The following LRP5 variants were observed in gnomAD, a reference collection of about 807,000 sequenced individuals.
LRP5 encodes LDL receptor related protein 5.
A neutral mutation model predicts 154.1 loss-of-function variants in LRP5; 62 were observed. The ratio of observed to expected loss-of-function variants is 0.40; its 90% confidence interval spans 0.33 to 0.50. The LOEUF is 0.50. LRP5 is among the 20% of genes least tolerant of loss of function. The probability of loss-of-function intolerance (pLI) is 0.55; values close to 1 mark genes in which losing one functional copy is unlikely to be tolerated. For synonymous variants in LRP5, 966 were observed against 1,011.5 expected, an observed-to-expected ratio of 0.96 and a Z score of 0.85; for missense variants, 1,915 against 2,336.7, an observed-to-expected ratio of 0.82 and a Z score of 3.72.
chr11:68,447,451 TC>T lies in LRP5; in HGVS notation c.4586+920del, dbSNP rs1258670798. Among the ~76,000 whole-genome samples the T allele has an allele frequency of 1.7e-4, 25 of 150,600 alleles. No homozygotes were observed. Among genetic ancestry groups the T allele is most frequent in the Non-Finnish European group, 1.6e-4 (11 of 67,970 alleles). ...TGGCTGGGGAGCCGGAACTGCAGCCTCCATTTCCACCCCACTCCGGGTCGGG... is the reference window on the plus strand; with the variant it reads ...TGGCTGGGGAGCCGGAACTGCAGCCTCATTTCCACCCCACTCCGGGTCGGG... On this transcript the variant is annotated intron_variant, in intron 22 of 22. Transcript: ENST00000294304. This position sits in a 1 kb window ranked among gnomAD's most constrained non-coding sequence, Gnocchi z 4.3.
At chr11:68,403,958 C>T (rs529892783) in intron 8 of LRP5, 54 of 557,990 alleles carry the variant, frequency 9.7e-5, no homozygotes, top group South Asian at 6.9e-4. Flanking sequence ...GCTGTGTGCC[C>T]GGCCCTGGCC....
chr11:68,425,068 C>G, intron 14 of LRP5, 34 bp from the exon 15 acceptor site: 1 of 1,603,900 alleles, frequency 6.2e-7, no homozygotes, highest in Non-Finnish European at 8.5e-7. Context: ...GACGCCATCC[C>G]CACACCCGTC....
intron 7 of LRP5, among the ~76,000 whole-genome samples, chr11:68,394,110 A>G (rs1478179741): frequency 6.6e-6 from 1 of 152,176 alleles, no homozygotes; most frequent in Non-Finnish European, 1.5e-5. Context: ...CACATTTTTC[A>G]GATGAGAACA....
chr11:68,345,582 T>A (rs2098612246), intron 1 of LRP5, among the ~76,000 whole-genome samples: 2 of 152,222 alleles, frequency 1.3e-5, no homozygotes, highest in African/African-American at 4.8e-5. Flanking sequence ...CCACCATGCC[T>A]GGCTGCCTCC....
intron 13 of LRP5, among the ~76,000 whole-genome samples, chr11:68,417,916 C>G (rs1413068120): frequency 6.6e-6 from 1 of 151,904 alleles, no homozygotes; most frequent in Non-Finnish European, 1.5e-5. Flanking sequence ...GCCTGGGCAA[C>G]AAGAGCAAAA....
intron 12 of LRP5, 40 bp downstream of exon 12, chr11:68,414,052 A>T (rs752160404): frequency 6.4e-7 from 1 of 1,571,750 alleles, no homozygotes; most frequent in African/African-American, 1.3e-5. Flanking sequence ...CTCCCTCGTT[A>T]GATCAGGCTG....
At chr11:68,343,594 A>G (rs2098610403) in intron 1 of LRP5, among the ~76,000 whole-genome samples, 1 of 152,186 alleles carries the variant, frequency 6.6e-6, no homozygotes, top group African/African-American at 2.4e-5. Context: ...GGCCAGGACG[A>G]TGAGTGGGAA....
At chr11:68,384,111 G>C (rs968125540) in intron 5 of LRP5, among the ~76,000 whole-genome samples, 11 of 152,120 alleles carry the variant, frequency 7.2e-5, no homozygotes, top group African/African-American at 2.2e-4. Flanking sequence ...TTGCCATCAC[G>C]TGGGCGCCCT....
chr11:68,364,746 G>T (rs1235036244), intron 4 of LRP5, among the ~76,000 whole-genome samples: 1 of 152,134 alleles, frequency 6.6e-6, no homozygotes. Flanking sequence ...GAAATGTGGG[G>T]CCTAGGGGTG....
intron 17 of LRP5, among the ~76,000 whole-genome samples, chr11:68,432,210 G>A (rs934460421): frequency 2.0e-5 from 3 of 152,156 alleles, no homozygotes; most frequent in East Asian, 1.9e-4. Flanking sequence ...ATTGAGAGTC[G>A]AGGTCGGAGG....
upstream of LRP5, among the ~76,000 whole-genome samples, chr11:68,311,760 G>C (rs1295133316): frequency 6.6e-6 from 1 of 152,276 alleles, no homozygotes; most frequent in Admixed American, 6.5e-5. Flanking sequence ...GGAGGAAAGA[G>C]TGCGCGGAGA....
Position 68,411,580 on chromosome 11 carries a change from C to T in LRP5, c.2463C>T (p.Thr821=), listed in dbSNP as rs778180589. The T allele has an allele frequency of 2.8e-5, 45 of 1,613,382 alleles. No homozygotes were observed. The Middle Eastern group carries it at 3.0e-3, about 106-fold the overall frequency. ...IDYADQRLYW[T]DLDTNMIESS... is the part of the protein sequence containing the mutation. ...ACGCTGACCAGCGCCTCTACTGGAC[C>T]GACCTGGACACCAACATGATCGAGT... Residue 821 remains threonine (T), a synonymous_variant, in exon 11 of 23, where the codon ACC becomes ACT. Coordinates refer to ENST00000294304, the MANE Select transcript of LRP5 (RefSeq NM_002335.4).
At chr11:68,307,532 C>T in the LRP5 span, among the ~76,000 whole-genome samples, 2 of 152,128 alleles carry the variant, frequency 1.3e-5, no homozygotes, top group African/African-American at 2.4e-5. Context: ...TGGCACATAC[C>T]TGTAGTCCCA....
At position 68,357,728 on chromosome 11, in the gene LRP5, T is replaced by C; in HGVS notation, c.567T>C (p.Ile189=). The C allele has an allele frequency of 6.2e-7, 1 of 1,614,190 alleles. No homozygotes were observed. The highest frequency in any genetic ancestry group is 2.2e-5 in the East Asian group (1 of 44,888). The part of the protein sequence containing the change: ...AGMDGSTRKI[I]VDSDIYWPNG... ...TGGATGGCAGCACCCGGAAGATCAT[T>C]GTGGACTCGGACATTTACTGGCCCA... The change falls in exon 3 of 23, where the codon ATT becomes ATC. Residue 189 remains isoleucine, a synonymous_variant. Transcript: ENST00000294304.
chr11:68,324,129 C>T (rs747835421), intron 1 of LRP5, among the ~76,000 whole-genome samples: 12 of 152,256 alleles, frequency 7.9e-5, no homozygotes, highest in Non-Finnish European at 1.3e-4. Context: ...AGTTCTCCTT[C>T]TCAGGAGGGC....
Position 68,411,493 on chromosome 11 carries a change from C to T in LRP5, c.2376C>T (p.Asp792=), listed in dbSNP as rs759574283. The stretch of plus-strand genomic sequence containing the variant: ...CGAGGATCGTGCGGGCCTTCATGGA[C>T]GGGACCAACTGCATGACGCTGGTGG... ...GKPRIVRAFM[D]GTNCMTLVDK... Residue 792 remains aspartate, a synonymous_variant, in exon 11 of 23, where the codon GAC becomes GAT. Coordinates refer to ENST00000294304, the MANE Select transcript of LRP5 (RefSeq NM_002335.4). 5 of 1,613,518 alleles carry T rather than the reference C, an allele frequency of 3.1e-6. No individual in the cohort carries two copies. The highest frequency in any genetic ancestry group is 1.7e-5 in the Admixed American group (1 of 60,020).
At chr11:68,323,177 T>C (rs1384337239) in intron 1 of LRP5, among the ~76,000 whole-genome samples, 1 of 152,212 alleles carries the variant, frequency 6.6e-6, no homozygotes, top group East Asian at 1.9e-4. Context: ...AGCACAGTCT[T>C]GGCTCACTGC....
chr11:68,348,049 C>T lies in LRP5; in HGVS notation c.294C>T (p.Ala98=), dbSNP rs763203475. 14 of 1,613,986 alleles carry T rather than the reference C, an allele frequency of 8.7e-6. No individual in the cohort carries two copies. Among genetic ancestry groups the T allele is most frequent in the South Asian group, 7.7e-5 (7 of 91,088 alleles). Residue 98 remains alanine, a synonymous_variant, in exon 2 of 23, where the codon GCC becomes GCT. Coordinates refer to ENST00000294304, the MANE Select transcript of LRP5 (RefSeq NM_002335.4). ...KQTYLNQTGA[A]VQNVVISGLV... is the part of the protein sequence containing the mutation. ...CCTACCTGAACCAGACGGGGGCCGC[C>T]GTGCAGAACGTGGTCATCTCCGGCC...
chr11:68,354,096 G>C (rs1323820656), intron 2 of LRP5, among the ~76,000 whole-genome samples: 5 of 152,332 alleles, frequency 3.3e-5, no homozygotes, highest in South Asian at 2.1e-4. Flanking sequence ...ATTAAAGCCA[G>C]GGTGAAACCC....
Sources: gnomAD v4.1 joint callset for allele counts (sites outside exome capture counted in the v4.1 genomes callset) on GRCh38, gnomAD v4.1.1 for gene constraint, Gnocchi (gnomAD v3.1) non-coding constraint, MANE v1.5 for transcripts, NCBI Gene and HGNC (gene_info 2026-07-23, HGNC 2026-07-21) for gene names.